Variants in ACVR1 observed in about 807,000 individuals in gnomAD.
The protein encoded by ACVR1 is activin receptor type-1.
A neutral mutation model predicts 57.1 loss-of-function variants in ACVR1; 38 were observed. The observed-to-expected ratio is 0.67, with a 90% CI of 0.51 to 0.87. The LOEUF (loss-of-function observed/expected upper bound fraction) is 0.87. Ranked by LOEUF, ACVR1 falls within the 40% of genes least tolerant of loss-of-function variation. The pLI, the probability that ACVR1 is intolerant of heterozygous loss-of-function variation, is 0.00. For synonymous variants in ACVR1, 212 were observed against 228.1 expected, an observed-to-expected ratio of 0.93 and a Z score of 0.63; for missense variants, 463 against 638.2, an observed-to-expected ratio of 0.73 and a Z score of 2.96.
chr2:157,841,729 A>G (rs1013926717), intron 1 of ACVR1, among the ~76,000 whole-genome samples: 2 of 152,094 alleles, frequency 1.3e-5, no homozygotes. Flanking sequence ...TCTCTTTATA[A>G]AAAAAGAAAA....
chr2:157,787,820 A>G (rs1170472646), intron 3 of ACVR1, among the ~76,000 whole-genome samples: 1 of 152,208 alleles, frequency 6.6e-6, no homozygotes, highest in Non-Finnish European at 1.5e-5. Flanking sequence ...TAGATGAGAT[A>G]GAACAGTGGA....
chr2:157,836,717 T>A (rs1688794955), intron 1 of ACVR1, among the ~76,000 whole-genome samples: 1 of 152,084 alleles, frequency 6.6e-6, no homozygotes, highest in Non-Finnish European at 1.5e-5. Flanking sequence ...CCTACCGGGG[T>A]GCCTGACACA....
intron 6 of ACVR1, among the ~76,000 whole-genome samples, chr2:157,772,533 A>G (rs915717626): frequency 2.0e-5 from 3 of 152,228 alleles, no homozygotes; most frequent in Non-Finnish European, 2.9e-5. Flanking sequence ...AGGAATATCT[A>G]TAGAACCAGA....
chr2:157,771,000 T>C (rs1349502041), intron 6 of ACVR1, among the ~76,000 whole-genome samples: 1 of 152,198 alleles, frequency 6.6e-6, no homozygotes, highest in African/African-American at 2.4e-5. Context: ...AATTGGTGAA[T>C]TTAGATATGC....
At chr2:157,807,170 T>C (rs930347478) in intron 2 of ACVR1, among the ~76,000 whole-genome samples, 8 of 152,122 alleles carry the variant, frequency 5.3e-5, no homozygotes, top group Non-Finnish European at 7.4e-5. Context: ...TAAGGCTTAA[T>C]GTGAAAGGAA....
intron 9 of ACVR1, among the ~76,000 whole-genome samples, chr2:157,750,158 C>T (rs1685128685): frequency 6.6e-6 from 1 of 152,194 alleles, no homozygotes; most frequent in Non-Finnish European, 1.5e-5. Flanking sequence ...AGGCTGGTAC[C>T]CAAGCTTGCT....
At chr2:157,787,681 A>C (rs1277498078) in intron 3 of ACVR1, among the ~76,000 whole-genome samples, 1 of 152,164 alleles carries the variant, frequency 6.6e-6, no homozygotes, top group Non-Finnish European at 1.5e-5. Context: ...GATTCTGAGG[A>C]ATCACTTTTC....
At chr2:157,854,200 A>T (rs1383152140) in intron 1 of ACVR1, among the ~76,000 whole-genome samples, 2 of 89,646 alleles carry the variant, frequency 2.2e-5, no homozygotes, top group Admixed American at 9.6e-5. Flanking sequence ...CTAAAGGAGT[A>T]AAAAAAAAAA....
chr2:157,835,439 A>C (rs1276512092), intron 1 of ACVR1, among the ~76,000 whole-genome samples: 2 of 152,350 alleles, frequency 1.3e-5, no homozygotes, highest in South Asian at 2.1e-4. Flanking sequence ...GTAAGTTATT[A>C]ATATTATTGA....
intron 1 of ACVR1, among the ~76,000 whole-genome samples, chr2:157,826,864 GGGAAAGGAAAGGAAA>G (rs137947402): frequency 2.8e-5 from 3 of 105,544 alleles, no homozygotes; most frequent in East Asian, 2.7e-4. Context: ...GAAGAAGGAA[GGGAAAGGAAAGGAAA>G]GGAAAGGAAA....
At chr2:157,749,482 T>C (rs1045816080) in intron 9 of ACVR1, among the ~76,000 whole-genome samples, 1 of 152,200 alleles carries the variant, frequency 6.6e-6, no homozygotes, top group African/African-American at 2.4e-5. Context: ...GTGCAAAAAC[T>C]GAGACTTTTC....
At chr2:157,744,807 C>T (rs1308131039) in intron 9 of ACVR1, among the ~76,000 whole-genome samples, 1 of 152,216 alleles carries the variant, frequency 6.6e-6, no homozygotes, top group East Asian at 1.9e-4. Flanking sequence ...ATGGATGAGG[C>T]TGTTCATGGC....
chr2:157,743,509 T>C (rs771474908), intron 9 of ACVR1, among the ~76,000 whole-genome samples: 2 of 151,996 alleles, frequency 1.3e-5, no homozygotes, highest in Non-Finnish European at 2.9e-5. Context: ...CACAAATAAA[T>C]GTTGATTATA....
intron 2 of ACVR1, among the ~76,000 whole-genome samples, chr2:157,802,329 A>T (rs74475693): frequency 0.019 from 2,818 of 152,220 alleles, 100 homozygotes; most frequent in African/African-American, 0.065. Flanking sequence ...AAACCTCAGG[A>T]TTGAAAAAAC....
At chr2:157,826,547 T>G (rs1688356858) in intron 1 of ACVR1, 1 of 148,804 alleles carries the variant, frequency 6.7e-6, no homozygotes, top group African/African-American at 2.5e-5. Context: ...CAGCTATTCA[T>G]GAGGGCGAGG....
At chr2:157,761,330 G>A (rs887692296) in intron 8 of ACVR1, among the ~76,000 whole-genome samples, 1 of 152,084 alleles carries the variant, frequency 6.6e-6, no homozygotes, top group African/African-American at 2.4e-5. Flanking sequence ...AAAAGTTTTG[G>A]GTAAATTGTA....
chr2:157,871,833 ATTAG>A (rs1232184200), intron 1 of ACVR1, among the ~76,000 whole-genome samples: 1 of 152,234 alleles, frequency 6.6e-6, no homozygotes, highest in Non-Finnish European at 1.5e-5. Context: ...CGAATATCTT[ATTAG>A]TTAATTTTGA....
In ACVR1 at chr2:157,778,275, G is replaced by C; in HGVS notation, c.399C>G (p.Phe133Leu). The C allele has an allele frequency of 6.2e-7, 1 of 1,613,994 alleles. No homozygotes were observed. Among genetic ancestry groups the C allele is most frequent in the South Asian group, 1.1e-5 (1 of 91,052 alleles). Residue 133 changes from phenylalanine to leucine, a missense_variant, in exon 5 of 11, where the codon TTC becomes TTG. Transcript: ENST00000434821. The stretch of plus-strand genomic sequence containing the variant: ...GCAGGCAGGCTAAAAGACATACTGC[G>C]AACACTACAGAGAGAATAATGAGGC... ...EVGLIILSVV[F>L]AVCLLACLLG...
chr2:157,874,459 A>C (rs1199974551), intron 1 of ACVR1, among the ~76,000 whole-genome samples: 1 of 152,244 alleles, frequency 6.6e-6, no homozygotes, highest in Non-Finnish European at 1.5e-5. Flanking sequence ...AGGTCAGCAC[A>C]AGTCTAGTGT....
Sources: gnomAD v4.1 joint callset for allele counts (sites outside exome capture counted in the v4.1 genomes callset) on GRCh38, gnomAD v4.1.1 for gene constraint, MANE v1.5 for transcripts, NCBI Gene and HGNC (gene_info 2026-07-23, HGNC 2026-07-21) for gene names.